Variants in DNMBP observed in about 807,000 individuals in gnomAD.
The protein encoded by DNMBP is dynamin binding protein, also known as dynamin-binding protein.
Under a neutral mutation model 150.0 loss-of-function variants are expected in DNMBP, and 87 were observed. The ratio of observed to expected loss-of-function variants is 0.58; its 90% confidence interval spans 0.49 to 0.69. DNMBP has a LOEUF of 0.69. Ranked by LOEUF, DNMBP falls within the 30% of genes least tolerant of loss-of-function variation. The probability of loss-of-function intolerance (pLI) is 0.00; values close to 1 mark genes in which losing one functional copy is unlikely to be tolerated. For missense variants in DNMBP, 1,774 were observed against 1,949.0 expected, an observed-to-expected ratio of 0.91 and a Z score of 1.69; for synonymous variants, 711 against 750.4, an observed-to-expected ratio of 0.95 and a Z score of 0.86.
At chr10:99,888,612 T>TA (rs1273568296) in intron 12 of DNMBP, among the ~76,000 whole-genome samples, 1 of 152,190 alleles carries the variant, frequency 6.6e-6, no homozygotes, top group African/African-American at 2.4e-5. Flanking sequence ...AGCTATTTTT[T>TA]AAAAAACCTG....
chr10:99,933,773 A>G (rs1163387776), intron 4 of DNMBP, among the ~76,000 whole-genome samples: 1 of 152,016 alleles, frequency 6.6e-6, no homozygotes, highest in East Asian at 1.9e-4. Context: ...GTCTCGCTCT[A>G]TCACTCAGGC....
chr10:99,990,373 T>C (rs1389006982), intron 1 of DNMBP, among the ~76,000 whole-genome samples: 1 of 151,694 alleles, frequency 6.6e-6, no homozygotes, highest in African/African-American at 2.4e-5. Flanking sequence ...GGCAACATGG[T>C]GAAACTCATC....
intron 1 of DNMBP, among the ~76,000 whole-genome samples, chr10:99,990,688 TATATATACACACAC>T (rs969442478): frequency 2.0e-5 from 3 of 150,504 alleles, no homozygotes; most frequent in Non-Finnish European, 2.9e-5. Flanking sequence ...TATACACACA[TATATATACACACAC>T]ATATATACAC....
At chr10:99,922,527 T>TTTTA (rs1554864053) in intron 4 of DNMBP, among the ~76,000 whole-genome samples, 3 of 78,968 alleles carry the variant, frequency 3.8e-5, no homozygotes, top group Non-Finnish European at 6.6e-5. Flanking sequence ...TTTTTTTTCT[T>TTTTA]AAAAAAAAAA....
intron 12 of DNMBP, among the ~76,000 whole-genome samples, chr10:99,887,784 T>C (rs2039493338): frequency 6.6e-6 from 1 of 152,108 alleles, no homozygotes; most frequent in Admixed American, 6.6e-5. Flanking sequence ...ATCCCATATA[T>C]ATGGATTTAG....
chr10:99,929,494 TAAG>T, intron 4 of DNMBP: 3 of 595,588 alleles, frequency 5.0e-6, no homozygotes, highest in Non-Finnish European at 8.9e-6. Context: ...GTGCACTTGA[TAAG>T]AAGTTCAGGG....
chr10:99,909,680 G>A (rs553842054), intron 4 of DNMBP, among the ~76,000 whole-genome samples: 18 of 152,116 alleles, frequency 1.2e-4, no homozygotes, highest in Admixed American at 1.0e-3. Context: ...GTAATGGTAG[G>A]TCAACACTAG....
chr10:99,879,170 T>C (rs968921594), intron 16 of DNMBP, among the ~76,000 whole-genome samples: 5 of 132,036 alleles, frequency 3.8e-5, no homozygotes, highest in African/African-American at 5.8e-5. Flanking sequence ...ACAAAGAGAA[T>C]AGGAAAAACT....
intron 4 of DNMBP, among the ~76,000 whole-genome samples, chr10:99,953,138 A>C (rs2040442742): frequency 6.6e-6 from 1 of 152,218 alleles, no homozygotes; most frequent in African/African-American, 2.4e-5. Context: ...TCATTCCCAA[A>C]TTAAGGGAAA....
chr10:99,960,180 G>A (rs560842464), intron 3 of DNMBP, among the ~76,000 whole-genome samples: 2 of 152,196 alleles, frequency 1.3e-5, no homozygotes, highest in Admixed American at 6.5e-5. Flanking sequence ...AGTTCTATAT[G>A]ATTTATGATT....
At chr10:99,882,593 G>A (rs768696821) in intron 15 of DNMBP, among the ~76,000 whole-genome samples, 41 of 151,570 alleles carry the variant, frequency 2.7e-4, no homozygotes, top group African/African-American at 7.3e-4. Flanking sequence ...CAAAATTATC[G>A]CACCGTACCC....
intron 1 of DNMBP, among the ~76,000 whole-genome samples, chr10:99,995,330 T>C (rs534108122): frequency 6.6e-6 from 1 of 152,188 alleles, no homozygotes; most frequent in Non-Finnish European, 1.5e-5. Context: ...ATTACAGGCA[T>C]GATCACGGCA....
chr10:99,879,812 T>C lies in DNMBP; in HGVS notation c.4547A>G (p.Gln1516Arg), dbSNP rs747161596. The C allele has an allele frequency of 6.2e-7, 1 of 1,613,902 alleles. No individual in the cohort carries two copies. The highest frequency in any genetic ancestry group is 8.5e-7 in the Non-Finnish European group (1 of 1,179,774). ...EPDGSEAEGN[Q>R]VYFAVYTFKA... ...GTGGCAGGCCTCTTACGCACTCACCTGGTTGCCTTCTGCCTCACTGCCATC... is the reference window on the plus strand; with the variant it reads ...GTGGCAGGCCTCTTACGCACTCACCCGGTTGCCTTCTGCCTCACTGCCATC... The change falls in exon 16 of 17, where the codon CAG (glutamine) becomes CGG (arginine). Residue 1516 changes from glutamine (Q) to arginine (R), a missense_variant and splice_region_variant. Coordinates refer to ENST00000324109, the MANE Select transcript of DNMBP (RefSeq NM_015221.4).
intron 1 of DNMBP, among the ~76,000 whole-genome samples, chr10:99,998,150 G>A (rs571065881): frequency 5.3e-5 from 8 of 150,434 alleles, no homozygotes; most frequent in East Asian, 3.9e-4. Context: ...CAGGAGAATC[G>A]CTTGAACCCG....
chr10:99,945,467 G>GGCC (rs2040346445), intron 4 of DNMBP, among the ~76,000 whole-genome samples: 1 of 152,202 alleles, frequency 6.6e-6, no homozygotes, highest in Non-Finnish European at 1.5e-5. Flanking sequence ...GTGTGCTCAT[G>GGCC]GCCCCGTGTG....
intron 4 of DNMBP, among the ~76,000 whole-genome samples, chr10:99,934,167 G>A (rs370411032): frequency 2.6e-5 from 4 of 152,138 alleles, no homozygotes; most frequent in Non-Finnish European, 4.4e-5. Context: ...TTGTGAAAAT[G>A]TTGGGCACCT....
intron 4 of DNMBP, among the ~76,000 whole-genome samples, chr10:99,940,132 C>G (rs2133303007): frequency 6.6e-6 from 1 of 152,302 alleles, no homozygotes; most frequent in South Asian, 2.1e-4. Flanking sequence ...CAGGAAGAAC[C>G]CATTGGGTGA....
At chr10:99,889,102 C>T (rs2039518535) in intron 11 of DNMBP, 149 bp from the exon 12 acceptor site, 6 of 851,598 alleles carry the variant, frequency 7.0e-6, no homozygotes, top group Non-Finnish European at 1.1e-5. Flanking sequence ...TTGAAATAAG[C>T]ATATTTTCAT....
chr10:99,970,447 A>G (rs2040662279), intron 2 of DNMBP, among the ~76,000 whole-genome samples: 1 of 152,224 alleles, frequency 6.6e-6, no homozygotes, highest in Non-Finnish European at 1.5e-5. Context: ...GGTGGTAGGT[A>G]CCATGTAGGG....
Sources: gnomAD v4.1 joint callset for allele counts (sites outside exome capture counted in the v4.1 genomes callset) on GRCh38, gnomAD v4.1.1 for gene constraint, MANE v1.5 for transcripts, NCBI Gene and HGNC (gene_info 2026-07-23, HGNC 2026-07-21) for gene names.